Variants in PDE4D observed in about 807,000 individuals in gnomAD.
PDE4D encodes 3',5'-cyclic-AMP phosphodiesterase 4D.
PDE4D carries 24 observed loss-of-function variants against 87.4 expected under a neutral mutation model. The ratio of observed to expected loss-of-function variants is 0.27; its 90% CI spans 0.20 to 0.39. PDE4D has a LOEUF of 0.39. PDE4D is among the 10% of genes least tolerant of loss of function. The pLI, the probability that PDE4D is intolerant of heterozygous loss-of-function variation, is 1.00. For synonymous variants in PDE4D, 384 were observed against 383.2 expected (o/e 1.00, Z -0.02); for missense variants, 714 against 1,041.0 (o/e 0.69, Z 4.32).
chr5:59,011,955 C>G (rs138297466), intron 6 of PDE4D, among the ~76,000 whole-genome samples: 398 of 152,358 alleles, frequency 2.6e-3, no homozygotes, highest in African/African-American at 9.3e-3. Context: ...CAGCTGATCT[C>G]TCAGCAGAAA....
At chr5:59,603,572 T>A (rs1450968922) in intron 1 of PDE4D, among the ~76,000 whole-genome samples, 17 of 151,958 alleles carry the variant, frequency 1.1e-4, no homozygotes, top group Non-Finnish European at 2.5e-4. Flanking sequence ...ACAGCCATTA[T>A]AAAAAATAGT....
chr5:60,409,513 C>G (rs1741864579), intron 1 of PDE4D, among the ~76,000 whole-genome samples: 1 of 152,106 alleles, frequency 6.6e-6, no homozygotes, highest in African/African-American at 2.4e-5. Flanking sequence ...AGCAATTATC[C>G]TGTGCTAATG....
intron 1 of PDE4D, among the ~76,000 whole-genome samples, chr5:59,575,828 A>T (rs73758812): frequency 2.0e-5 from 3 of 152,128 alleles, no homozygotes; most frequent in Non-Finnish European, 1.5e-5. Flanking sequence ...TAAACAGAAA[A>T]TCCATCCTGT....
chr5:59,981,941 T>G (rs191042880), intron 3 of PDE4D, among the ~76,000 whole-genome samples: 20 of 152,292 alleles, frequency 1.3e-4, no homozygotes, highest in Admixed American at 1.0e-3. Context: ...CTGTTTGTAC[T>G]CAAGAGCACA....
chr5:59,649,904 C>CTTGTTTTTTTTTTTTTT (rs1561402852), intron 1 of PDE4D, among the ~76,000 whole-genome samples: 8 of 73,960 alleles, frequency 1.1e-4, no homozygotes, highest in African/African-American at 4.2e-4. Flanking sequence ...AGTTTGTGAA[C>CTTGTTTTTTTTTTTTTT]CTTTTTTTTT....
intron 1 of PDE4D, among the ~76,000 whole-genome samples, chr5:59,553,585 C>T (rs1271472935): frequency 1.3e-5 from 2 of 152,126 alleles, no homozygotes; most frequent in Non-Finnish European, 2.9e-5. Flanking sequence ...TTCTCACAGC[C>T]TGTCTCTAGA....
At chr5:59,023,966 C>T (rs576603495) in intron 6 of PDE4D, among the ~76,000 whole-genome samples, 1 of 149,634 alleles carries the variant, frequency 6.7e-6, no homozygotes, top group East Asian at 2.0e-4. Context: ...GCAGTGGCGC[C>T]ATCTCCATTC....
chr5:59,574,859 C>T (rs1822867104), intron 1 of PDE4D, among the ~76,000 whole-genome samples: 1 of 151,936 alleles, frequency 6.6e-6, no homozygotes, highest in Non-Finnish European at 1.5e-5. Flanking sequence ...TGTTCTCTGA[C>T]AAAACTACAT....
rs1003871138 is a variant in PDE4D at position 58,985,958 on chromosome 5, G to A, written c.1552+2535C>T. 5.3e-5 allele frequency among the ~76,000 whole-genome samples: 8 copies of A among 152,270 alleles called. No homozygotes were observed. The East Asian group carries it at 5.8e-4, about 11-fold the overall frequency. ...TAATTTTGATAATGCCCTGGGGCCCGGAACAACCCTGGGATACTTTCCTGT... is the reference window on the plus strand; with the variant it reads ...TAATTTTGATAATGCCCTGGGGCCCAGAACAACCCTGGGATACTTTCCTGT... On this transcript the variant is annotated intron_variant, in intron 11 of 14. Coordinates refer to ENST00000340635, the MANE Select transcript of PDE4D (RefSeq NM_001104631.2).
At chr5:59,351,784 CA>C (rs1206956729) in intron 1 of PDE4D, among the ~76,000 whole-genome samples, 2 of 152,096 alleles carry the variant, frequency 1.3e-5, no homozygotes, top group African/African-American at 4.8e-5. Context: ...TATTATTTAA[CA>C]AGTTTATATT....
intron 1 of PDE4D, among the ~76,000 whole-genome samples, chr5:59,790,265 G>A (rs937450231): frequency 6.6e-6 from 1 of 151,908 alleles, no homozygotes; most frequent in African/African-American, 2.4e-5. Flanking sequence ...TTGTATTTCA[G>A]TTATTGAAAA....
At chr5:59,306,391 T>G (rs978902843) in intron 1 of PDE4D, among the ~76,000 whole-genome samples, 1 of 152,204 alleles carries the variant, frequency 6.6e-6, no homozygotes, top group African/African-American at 2.4e-5. Context: ...TTACATTCAA[T>G]GTCAGTATCG....
chr5:60,299,730 C>T (rs529039134), intron 1 of PDE4D, among the ~76,000 whole-genome samples: 30 of 152,296 alleles, frequency 2.0e-4, no homozygotes, highest in South Asian at 6.2e-4. Context: ...AGGACATGAA[C>T]TCATCCTTTT....
chr5:59,798,360 A>G (rs933555258), intron 1 of PDE4D, among the ~76,000 whole-genome samples: 1 of 150,530 alleles, frequency 6.6e-6, no homozygotes, highest in African/African-American at 2.4e-5. Context: ...TAATCACCAA[A>G]AAATTTTTTT....
In PDE4D at chr5:59,392,540, C is replaced by T. The variant is rs573231019; in HGVS notation, c.456-176572G>A. On this transcript the variant is annotated intron_variant, in intron 1 of 14. Transcript: ENST00000340635. ...ATATATATATTCCATTAATTCTGTTCTTCCAGAGAACCCTAATATACCTTG... is the reference window on the plus strand; with the variant it reads ...ATATATATATTCCATTAATTCTGTTTTTCCAGAGAACCCTAATATACCTTG... Among the ~76,000 whole-genome samples, 6 of 129,642 alleles carry T rather than the reference C, an allele frequency of 4.6e-5. No individual in the cohort carries two copies. In the South Asian group the frequency reaches 1.5e-3, roughly 33 times the overall value. The allele number at this position is 129,642 out of a possible 152,430, so 85.1% of individuals were successfully genotyped here. A position where few individuals can be genotyped will look rare whatever the true frequency, so the allele number is the denominator to read the frequency against.
chr5:60,235,441 C>T (rs74895889), intron 1 of PDE4D, among the ~76,000 whole-genome samples: 2,606 of 151,954 alleles, frequency 0.017, 89 homozygotes, highest in African/African-American at 0.059. Context: ...TGCTCCCAAC[C>T]ACTATGAACC....
chr5:59,937,492 G>A (rs1756732034), intron 3 of PDE4D, among the ~76,000 whole-genome samples: 1 of 152,176 alleles, frequency 6.6e-6, no homozygotes, highest in Admixed American at 6.5e-5. Context: ...TCTGAGATCT[G>A]TGTGTCAGCA....
At chr5:59,607,617 T>C (rs1828390258) in intron 1 of PDE4D, among the ~76,000 whole-genome samples, 1 of 151,974 alleles carries the variant, frequency 6.6e-6, no homozygotes, top group African/African-American at 2.4e-5. Flanking sequence ...GGGCAATGTT[T>C]TTCTTGGGAA....
chr5:59,394,604 T>C lies in PDE4D; in HGVS notation c.456-178636A>G, dbSNP rs931055809. Among the ~76,000 whole-genome samples, 4 of 123,682 alleles carry C rather than the reference T, an allele frequency of 3.2e-5. No individual in the cohort carries two copies. In the South Asian group the frequency reaches 7.8e-4, roughly 24 times the overall value. The allele number at this position is 123,682 out of a possible 152,430, so 81.1% of individuals were successfully genotyped here. ...ACTATATTACAAGTTTACTATACAA[T>C]TGTGCTTTATTACTATTGGTGAAAA... On this transcript the variant is annotated intron_variant, in intron 1 of 14. Transcript: ENST00000340635.
Sources: gnomAD v4.1 joint callset for allele counts (sites outside exome capture counted in the v4.1 genomes callset) on GRCh38, gnomAD v4.1.1 for gene constraint, MANE v1.5 for transcripts, NCBI Gene and HGNC (gene_info 2026-07-23, HGNC 2026-07-21) for gene names.